Variants in PAK1 observed in about 807,000 individuals in gnomAD.
The protein encoded by PAK1 is p21 (RAC1) activated kinase 1, also known as serine/threonine-protein kinase PAK 1.
Under a neutral mutation model 67.4 loss-of-function variants are expected in PAK1, and 29 were observed. The ratio of observed to expected loss-of-function variants is 0.43; its 90% confidence interval spans 0.32 to 0.59. The LOEUF is 0.59. Among genes scored for constraint, PAK1 ranks in the 20% least tolerant of loss-of-function variants. PAK1 has a pLI of 0.07. For synonymous variants in PAK1, 223 were observed against 237.4 expected (o/e 0.94, Z 0.56); for missense variants, 337 against 670.7 (o/e 0.50, Z 5.50).
In PAK1 at chr11:77,355,812, G is replaced by A; in HGVS notation, c.628C>T (p.Pro210Ser). The A allele has an allele frequency of 5.6e-6, 9 of 1,613,718 alleles. No individual in the cohort carries two copies. The highest frequency in any genetic ancestry group is 2.2e-5 in the South Asian group (2 of 91,078). The part of the protein sequence containing the change: ...VYTRSVIEPL[P>S]VTPTRDVATS... ...GCCACGTCCCGAGTTGGAGTGACAG[G>A]AAGTGGTTCAATCACAGACCGTGTG... is the stretch of plus-strand genomic sequence containing the variant. Residue 210 changes from proline (P) to serine (S), a missense_variant, in exon 7 of 15, where the codon CCT becomes TCT. Coordinates refer to ENST00000356341, the MANE Select transcript of PAK1 (RefSeq NM_002576.5).
At chr11:77,490,295 C>CCCCCCCGCCGG in the PAK1 span, among the ~76,000 whole-genome samples, 1 of 147,924 alleles carries the variant, frequency 6.8e-6, no homozygotes, top group Non-Finnish European at 1.5e-5. Flanking sequence ...GGTCAGCCCC[C>CCCCCCCGCCGG]CCACCCGGCC....
At chr11:77,452,680 A>T (rs1956910280) in intron 1 of PAK1, among the ~76,000 whole-genome samples, 1 of 152,214 alleles carries the variant, frequency 6.6e-6, no homozygotes. Flanking sequence ...TCAGCACCAA[A>T]GAGTAGAAAT....
chr11:77,346,977 T>A, intron 9 of PAK1: 1 of 455,284 alleles, frequency 2.2e-6, no homozygotes, highest in South Asian at 1.6e-5. Flanking sequence ...TCTTCCTATA[T>A]GTGAGACACT....
chr11:77,344,025 G>T, intron 9 of PAK1, 94 bp from the exon 10 acceptor site: 1 of 796,974 alleles, frequency 1.3e-6, no homozygotes. Context: ...AGGAAACAAA[G>T]ATGAGTAAGA....
chr11:77,423,248 A>G (rs545354358), intron 1 of PAK1, among the ~76,000 whole-genome samples: 1 of 151,516 alleles, frequency 6.6e-6, no homozygotes, highest in Admixed American at 6.6e-5. Flanking sequence ...ACAATACTAG[A>G]TAGATATGAA....
chr11:77,451,657 T>C (rs1956860489), intron 1 of PAK1, among the ~76,000 whole-genome samples: 1 of 151,386 alleles, frequency 6.6e-6, no homozygotes. Flanking sequence ...TGGAGTGCAG[T>C]GGCACGATTT....
In PAK1 at chr11:77,355,829, G is replaced by C. The variant is rs1200382364; in HGVS notation, c.611C>G (p.Ser204Cys). 10 of 1,613,338 alleles carry C rather than the reference G, an allele frequency of 6.2e-6. No individual in the cohort carries two copies. The African/African-American group carries it at 8.0e-5, about 13-fold the overall frequency. ...PEHTKSVYTRSVIEPLPVTPT... is the reference protein window; with the variant it reads ...PEHTKSVYTRCVIEPLPVTPT... ...AGTGACAGGAAGTGGTTCAATCACA[G>C]ACCGTGTGTATACCTGCATTATTAG... The change falls in exon 7 of 15, where the codon TCT becomes TGT. Residue 204 changes from serine (S) to cysteine (C), a missense_variant. Physicochemically the swap from Ser to Cys is moderately radical, Grantham distance 112 (BLOSUM62 -1). Coordinates refer to ENST00000356341, the MANE Select transcript of PAK1 (RefSeq NM_002576.5).
chr11:77,407,150 A>T (rs1200451840), intron 1 of PAK1, among the ~76,000 whole-genome samples: 1 of 151,428 alleles, frequency 6.6e-6, no homozygotes, highest in African/African-American at 2.4e-5. Context: ...ATCAGGTAAC[A>T]GTAAGTGGTA....
At chr11:77,422,266 A>G in intron 1 of PAK1, among the ~76,000 whole-genome samples, 1 of 152,172 alleles carries the variant, frequency 6.6e-6, no homozygotes, top group Non-Finnish European at 1.5e-5. Context: ...ACCATATTAA[A>G]AAGTCACTAA....
chr11:77,357,186 T>C lies in PAK1; in HGVS notation c.598-1344A>G, dbSNP rs1167008107. Among the ~76,000 whole-genome samples, 6 of 152,284 alleles carry C rather than the reference T, an allele frequency of 3.9e-5. No individual in the cohort carries two copies. The East Asian group carries it at 7.7e-4, about 20-fold the overall frequency. ...ATTTATCTGCGATGATGCAAAGCCATTGGCAACAGTGGGACTCAAACCCAT... is the reference window on the plus strand; with the variant it reads ...ATTTATCTGCGATGATGCAAAGCCACTGGCAACAGTGGGACTCAAACCCAT... On this transcript the variant is annotated intron_variant, in intron 6 of 14. Coordinates refer to ENST00000356341, the MANE Select transcript of PAK1 (RefSeq NM_002576.5).
At chr11:77,507,166 G>C in the PAK1 span, among the ~76,000 whole-genome samples, 26 of 152,340 alleles carry the variant, frequency 1.7e-4, no homozygotes, top group East Asian at 5.0e-3. Context: ...CAGTTGTAAA[G>C]ACAGAGCTCT....
chr11:77,478,808 G>A (rs528216844), upstream of PAK1, among the ~76,000 whole-genome samples: 1 of 151,688 alleles, frequency 6.6e-6, no homozygotes, highest in East Asian at 1.9e-4. Flanking sequence ...CAGGCGCAGT[G>A]GCTCATGCCT....
In PAK1 at chr11:77,424,987, AT is replaced by A. The variant is rs757622798; in HGVS notation, c.-21-32447del. Among the ~76,000 whole-genome samples the A allele has an allele frequency of 5.3e-5, 8 of 152,240 alleles. No homozygotes were observed. In the East Asian group the frequency reaches 1.5e-3, roughly 29 times the overall value. ...TACTGAACCCAAACAAATATAAAAA[AT>A]AAAAACATTACATATCTTTGGCTCA... On this transcript the variant is annotated intron_variant, in intron 1 of 14. Coordinates refer to ENST00000356341, the MANE Select transcript of PAK1 (RefSeq NM_002576.5).
the PAK1 span, among the ~76,000 whole-genome samples, chr11:77,488,521 T>C: frequency 4.6e-5 from 7 of 152,170 alleles, no homozygotes; most frequent in African/African-American, 1.7e-4. Context: ...ATAGCTGTTT[T>C]GAGGAAACTC....
the PAK1 span, among the ~76,000 whole-genome samples, chr11:77,506,043 G>A: frequency 6.6e-6 from 1 of 152,142 alleles, no homozygotes; most frequent in Non-Finnish European, 1.5e-5. Flanking sequence ...CAGTCCAGCA[G>A]GGCTCCCAGT....
chr11:77,379,948 T>G lies in PAK1; in HGVS notation c.237A>C (p.Ser79=), dbSNP rs2137096329. The change falls in exon 3 of 15, where the codon TCA becomes TCC. Residue 79 remains serine, a synonymous_variant. Transcript: ENST00000356341. The part of the protein sequence containing the change: ...EKERPEISLP[S]DFEHTIHVGF... ...CGACATGAATTGTGTGTTCAAAATC[T>G]GAAGGGAGAGAAATCTCTGGCCGCT... is the stretch of plus-strand genomic sequence containing the variant. 4 of 1,614,108 alleles carry G rather than the reference T, an allele frequency of 2.5e-6. No homozygotes were observed. The Middle Eastern group carries it at 6.6e-4, about 266-fold the overall frequency.
the PAK1 span, among the ~76,000 whole-genome samples, chr11:77,490,525 C>T: frequency 2.0e-5 from 3 of 150,574 alleles, no homozygotes; most frequent in South Asian, 2.1e-4. Context: ...GCCCCACGCC[C>T]GGCCAGCCGC....
At chr11:77,403,989 C>T (rs961700556) in intron 1 of PAK1, among the ~76,000 whole-genome samples, 3 of 152,124 alleles carry the variant, frequency 2.0e-5, no homozygotes, top group Admixed American at 6.5e-5. Context: ...AGTTCACCCC[C>T]ACTTCCCTTG....
intron 1 of PAK1, among the ~76,000 whole-genome samples, chr11:77,472,027 A>G (rs964261502): frequency 1.3e-5 from 2 of 152,128 alleles, no homozygotes; most frequent in Non-Finnish European, 2.9e-5. Flanking sequence ...GCAGACCTTC[A>G]TTGTTTACTT....
Sources: gnomAD v4.1 joint callset for allele counts (sites outside exome capture counted in the v4.1 genomes callset) on GRCh38, gnomAD v4.1.1 for gene constraint, MANE v1.5 for transcripts, NCBI Gene and HGNC (gene_info 2026-07-23, HGNC 2026-07-21) for gene names.